Variants in NARS2 observed in about 807,000 individuals in gnomAD.
NARS2 encodes the protein asparaginyl-tRNA synthetase 2, mitochondrial, also known as asparaginyl-tRNA synthetase.
NARS2 carries 60 observed loss-of-function variants against 62.9 expected under a neutral mutation model. The observed-to-expected ratio is 0.95, with a 90% CI of 0.77 to 1.18. NARS2 has a LOEUF of 1.18. Among genes scored for constraint, NARS2 ranks in the 50% most tolerant of loss-of-function variants. The pLI is 0.00. For missense variants in NARS2, 619 were observed against 576.4 expected, an observed-to-expected ratio of 1.07 and a Z score of -0.76; for synonymous variants, 196 against 200.0, an observed-to-expected ratio of 0.98 and a Z score of 0.17.
intron 5 of NARS2, among the ~76,000 whole-genome samples, chr11:78,529,587 T>G (rs1861409389): frequency 2.0e-5 from 3 of 152,196 alleles, no homozygotes; most frequent in Non-Finnish European, 4.4e-5. Context: ...TGTTAAGAGT[T>G]AAGCTAAAAC....
At chr11:78,495,347 T>C (rs757006361) in intron 6 of NARS2, among the ~76,000 whole-genome samples, 5 of 152,192 alleles carry the variant, frequency 3.3e-5, no homozygotes, top group South Asian at 2.1e-4. Flanking sequence ...ACCCTCCAAA[T>C]AGAAAATTCC....
chr11:78,471,792 T>C (rs11237515), intron 9 of NARS2, among the ~76,000 whole-genome samples: 2 of 151,234 alleles, frequency 1.3e-5, no homozygotes, highest in Non-Finnish European at 2.9e-5. Flanking sequence ...GTGTTTGGTT[T>C]TTTGTTCTTG....
At chr11:78,448,490 T>C (rs9804686) in intron 11 of NARS2, among the ~76,000 whole-genome samples, 53,508 of 151,678 alleles carry the variant, frequency 0.35, 12,650 homozygotes, top group African/African-American at 0.66. Flanking sequence ...GGGGTTTCAC[T>C]ATGTCGGCCA....
chr11:78,571,318 T>C lies in NARS2; in HGVS notation c.251+17A>G. ...AAAAACAAAAATCAAAGAATTCTTT[T>C]AAAAAACAAAACTCACCTACTGTCA... On this transcript the variant is annotated intron_variant, in intron 2 of 13. Coordinates refer to ENST00000281038, the MANE Select transcript of NARS2 (RefSeq NM_024678.6). The C allele has an allele frequency of 6.4e-7, 1 of 1,565,480 alleles. No homozygotes were observed. The highest frequency in any genetic ancestry group is 8.8e-7 in the Non-Finnish European group (1 of 1,136,808).
intron 5 of NARS2, among the ~76,000 whole-genome samples, chr11:78,559,260 A>T (rs1319122714): frequency 3.1e-5 from 4 of 129,924 alleles, no homozygotes; most frequent in Non-Finnish European, 4.6e-5. Context: ...TCGAGATCAC[A>T]CCACTGCACT....
intron 7 of NARS2, among the ~76,000 whole-genome samples, chr11:78,480,354 A>G (rs960138258): frequency 2.0e-5 from 3 of 151,994 alleles, no homozygotes; most frequent in Non-Finnish European, 4.4e-5. Context: ...TCCTGGGTTC[A>G]AGCAATTGTC....
intron 13 of NARS2, among the ~76,000 whole-genome samples, chr11:78,440,424 C>G (rs1373803481): frequency 6.6e-6 from 1 of 151,984 alleles, no homozygotes; most frequent in Non-Finnish European, 1.5e-5. Flanking sequence ...ACTGTGTGAC[C>G]TTGGCTAAGT....
intron 6 of NARS2, among the ~76,000 whole-genome samples, chr11:78,525,218 A>G (rs145764742): frequency 6.6e-6 from 1 of 152,260 alleles, no homozygotes; most frequent in East Asian, 1.9e-4. Context: ...TGGTGAACGT[A>G]TGTCATCTGT....
At chr11:78,569,825 GTCCC>G (rs1323624092) in intron 2 of NARS2, among the ~76,000 whole-genome samples, 3 of 152,052 alleles carry the variant, frequency 2.0e-5, no homozygotes, top group African/African-American at 7.3e-5. Flanking sequence ...TAAAATCTAG[GTCCC>G]ATTAGACCCA....
intron 5 of NARS2, among the ~76,000 whole-genome samples, chr11:78,537,553 T>G (rs1238514992): frequency 6.6e-6 from 1 of 152,186 alleles, no homozygotes; most frequent in Non-Finnish European, 1.5e-5. Context: ...TCCCAGCACT[T>G]TGGGAGGCCA....
At chr11:78,513,810 G>C (rs1182245477) in intron 6 of NARS2, among the ~76,000 whole-genome samples, 1 of 152,148 alleles carries the variant, frequency 6.6e-6, no homozygotes, top group African/African-American at 2.4e-5. Flanking sequence ...CTCATGTTGA[G>C]TTGTAATACC....
chr11:78,518,175 A>G (rs1490167393), intron 6 of NARS2, among the ~76,000 whole-genome samples: 1 of 152,238 alleles, frequency 6.6e-6, no homozygotes, highest in Non-Finnish European at 1.5e-5. Context: ...CTATTCACAT[A>G]GCATTTAATG....
intron 5 of NARS2, chr11:78,558,446 A>G (rs1856442589): frequency 6.6e-6 from 1 of 152,238 alleles, no homozygotes; most frequent in African/African-American, 2.4e-5. Flanking sequence ...GCAGTTACAT[A>G]CAAATTTTGT....
At chr11:78,491,422 G>A (rs1219279909) in intron 7 of NARS2, among the ~76,000 whole-genome samples, 8 of 152,254 alleles carry the variant, frequency 5.3e-5, no homozygotes, top group Non-Finnish European at 1.2e-4. Context: ...GCCCTATATG[G>A]GAATCCAGGA....
At chr11:78,544,618 C>A (rs921848439) in intron 5 of NARS2, among the ~76,000 whole-genome samples, 8 of 151,916 alleles carry the variant, frequency 5.3e-5, no homozygotes, top group South Asian at 2.1e-4. Context: ...CACGGTGAAA[C>A]CCCGTCTCTA....
rs1223456014 is a variant in NARS2, at chr11:78,485,199, CA to C, written c.823-6517del. 4.0e-5 allele frequency among the ~76,000 whole-genome samples: 6 copies of C among 151,762 alleles called. No homozygotes were observed. In the East Asian group the frequency reaches 1.2e-3, roughly 30 times the overall value. ...GAGTTGAACAATGAGAACACATGGA[CA>C]CAGGGAGGGGAACATCACACACTGG... On this transcript the variant is annotated intron_variant, in intron 7 of 13. Coordinates refer to ENST00000281038, the MANE Select transcript of NARS2 (RefSeq NM_024678.6).
At chr11:78,551,711 C>A (rs1004692566) in intron 5 of NARS2, among the ~76,000 whole-genome samples, 1 of 151,940 alleles carries the variant, frequency 6.6e-6, no homozygotes, top group Non-Finnish European at 1.5e-5. Context: ...ATTAGCCGGG[C>A]GTGGTGGCAG....
At chr11:78,542,322 A>G (rs895292730) in intron 5 of NARS2, among the ~76,000 whole-genome samples, 1 of 152,242 alleles carries the variant, frequency 6.6e-6, no homozygotes, top group African/African-American at 2.4e-5. Flanking sequence ...CAGAAAGTGA[A>G]TATACAATGC....
At chr11:78,451,406 T>C (rs1174457075) in intron 11 of NARS2, among the ~76,000 whole-genome samples, 2 of 152,236 alleles carry the variant, frequency 1.3e-5, no homozygotes, top group Non-Finnish European at 2.9e-5. Context: ...AAAGATATAA[T>C]ACAAACACAC....
Sources: gnomAD v4.1 joint callset for allele counts (sites outside exome capture counted in the v4.1 genomes callset) on GRCh38, gnomAD v4.1.1 for gene constraint, MANE v1.5 for transcripts, NCBI Gene and HGNC (gene_info 2026-07-23, HGNC 2026-07-21) for gene names.